The following PEX2 variants were observed in gnomAD, a reference collection of about 807,000 sequenced individuals.
PEX2 encodes peroxisome biogenesis factor 2.
Under a neutral mutation model 25.2 loss-of-function variants are expected in PEX2, and 19 were observed. The ratio of observed to expected loss-of-function variants is 0.75; its 90% CI spans 0.53 to 1.10. The LOEUF (loss-of-function observed/expected upper bound fraction) is 1.10. Among genes scored for constraint, PEX2 ranks in the 50% least tolerant of loss-of-function variants. The pLI is 0.00. For missense variants in PEX2, 347 were observed against 350.6 expected, an observed-to-expected ratio of 0.99 and a Z score of 0.08; for synonymous variants, 141 against 127.7, an observed-to-expected ratio of 1.10 and a Z score of -0.70.
chr8:76,980,264 T>G lies in PEX2; in HGVS notation c.*2997A>C, dbSNP rs1806775479. 1 of 152,236 alleles carries G rather than the reference T, an allele frequency of 6.6e-6. No homozygotes were observed. Among genetic ancestry groups the G allele is most frequent in the African/African-American group, 2.4e-5 (1 of 41,466 alleles). The allele number at this position is 152,236 out of a possible 1,614,324, so 9.4% of individuals were successfully genotyped here. A position where few individuals can be genotyped will look rare whatever the true frequency, so the allele number is the denominator to read the frequency against. On this transcript the variant is annotated 3_prime_UTR_variant, in exon 4 of 4. Coordinates refer to ENST00000357039, the MANE Select transcript of PEX2 (RefSeq NM_000318.3). ...TATCAAAATAATACAATTGTTGATA[T>G]AACAATTTTGTTGACTTTATTTAAT...
chr8:76,991,118 C>T (rs1298193042), intron 1 of PEX2, among the ~76,000 whole-genome samples: 1 of 152,202 alleles, frequency 6.6e-6, no homozygotes, highest in East Asian at 1.9e-4. Flanking sequence ...ATAACTGCAT[C>T]TCTTCCTCAG....
intron 1 of PEX2, among the ~76,000 whole-genome samples, chr8:76,999,329 G>A (rs1807426492): frequency 6.6e-6 from 1 of 152,186 alleles, no homozygotes; most frequent in Non-Finnish European, 1.5e-5. Context: ...TTCACTAAAT[G>A]TGGGAAATTT....
Position 76,983,570 on chromosome 8 carries a change from A to T in PEX2, c.609T>A (p.Phe203Leu). 6.2e-7 allele frequency: 1 copy of T among 1,614,114 alleles called. No individual in the cohort carries two copies. The highest frequency in any genetic ancestry group is 1.7e-5 in the Admixed American group (1 of 60,024). The stretch of plus-strand genomic sequence containing the variant: ...TGATAAGTGGTAAGAGAAAAATCAG[A>T]AATTCAGCAAAACCATGCCAGAGAA... ...RELLWHGFAEFLIFLLPLINV... is the reference protein window; with the variant it reads ...RELLWHGFAELLIFLLPLINV... Residue 203 changes from phenylalanine (F) to leucine (L), a missense_variant, in exon 4 of 4, where the codon TTT (phenylalanine) becomes TTA (leucine). Transcript: ENST00000357039.
At chr8:77,000,942 G>A (rs930893746), upstream of PEX2, 2 of 152,224 alleles carry the variant, frequency 1.3e-5, no homozygotes, top group Admixed American at 6.5e-5. Context: ...TGGTATGAAT[G>A]GCAGTGTCTC....
intron 1 of PEX2, among the ~76,000 whole-genome samples, chr8:76,991,779 TCTC>T (rs991261311): frequency 5.3e-5 from 8 of 152,132 alleles, no homozygotes; most frequent in African/African-American, 1.9e-4. Flanking sequence ...CTCGGATTCT[TCTC>T]CTAAAAGTTG....
Position 76,983,588 on chromosome 8 carries a change from CCA to C in PEX2, c.589_590del (p.Trp197AlafsTer5). On this transcript the variant is annotated frameshift_variant, in exon 4 of 4. Coordinates refer to ENST00000357039, the MANE Select transcript of PEX2 (RefSeq NM_000318.3). LOFTEE classifies it high-confidence loss of function. ...GFEYMNRELL[W>X]HGFAEFLIFL... is the part of the protein sequence containing the mutation. ...AAATCAGAAATTCAGCAAAACCATGCCAGAGAAGTTCCCTATTCATGTATTCA... is the reference window on the plus strand; with the variant it reads ...AAATCAGAAATTCAGCAAAACCATGCGAGAAGTTCCCTATTCATGTATTCA... 1 of 1,614,048 alleles carries C rather than the reference CCA, an allele frequency of 6.2e-7. No homozygotes were observed. Among genetic ancestry groups the C allele is most frequent in the Non-Finnish European group, 8.5e-7 (1 of 1,179,980 alleles).
At chr8:76,986,695 A>AAT (rs1323940766) in intron 2 of PEX2, among the ~76,000 whole-genome samples, 2 of 152,090 alleles carry the variant, frequency 1.3e-5, no homozygotes, top group Non-Finnish European at 2.9e-5. Flanking sequence ...GAAAACTCAT[A>AAT]CTAAGATTTT....
intron 1 of PEX2, among the ~76,000 whole-genome samples, chr8:76,991,596 ACTGT>A (rs1807170779): frequency 6.6e-6 from 1 of 152,308 alleles, no homozygotes; most frequent in Non-Finnish European, 1.5e-5. Context: ...TAGAACAGAC[ACTGT>A]CTATTACACA....
At chr8:76,996,226 C>T (rs987683733) in intron 1 of PEX2, among the ~76,000 whole-genome samples, 1 of 152,080 alleles carries the variant, frequency 6.6e-6, no homozygotes, top group Non-Finnish European at 1.5e-5. Context: ...TAGCTAATTA[C>T]CAAGTACAAA....
intron 1 of PEX2, among the ~76,000 whole-genome samples, chr8:76,999,464 C>T (rs1237067854): frequency 6.6e-6 from 1 of 152,200 alleles, no homozygotes; most frequent in African/African-American, 2.4e-5. Flanking sequence ...ACTAATTTAT[C>T]GCAAGCAATT....
intron 1 of PEX2, among the ~76,000 whole-genome samples, chr8:76,997,474 TAGG>T (rs1807372588): frequency 6.6e-6 from 1 of 151,890 alleles, no homozygotes; most frequent in African/African-American, 2.4e-5. Flanking sequence ...GAGGCTGAGG[TAGG>T]AGAACTGCTT....
intron 1 of PEX2, among the ~76,000 whole-genome samples, chr8:76,998,351 T>C (rs967018825): frequency 6.6e-6 from 1 of 152,176 alleles, no homozygotes; most frequent in African/African-American, 2.4e-5. Context: ...AGAATCATTA[T>C]GTGCATCAAA....
At chr8:76,992,342 CACA>C (rs1807195552) in intron 1 of PEX2, among the ~76,000 whole-genome samples, 1 of 152,272 alleles carries the variant, frequency 6.6e-6, no homozygotes, top group Middle Eastern at 3.4e-3. Flanking sequence ...CTTTGCTGCA[CACA>C]ACATGGTACA....
intron 1 of PEX2, among the ~76,000 whole-genome samples, chr8:76,995,065 C>T (rs991284258): frequency 5.9e-5 from 9 of 152,164 alleles, no homozygotes; most frequent in African/African-American, 1.7e-4. Context: ...ATGGCTGAAG[C>T]CCATTAGAAC....
intron 1 of PEX2, among the ~76,000 whole-genome samples, chr8:76,996,418 A>G (rs1416603929): frequency 6.6e-6 from 1 of 152,176 alleles, no homozygotes; most frequent in Non-Finnish European, 1.5e-5. Context: ...TAATGGACCC[A>G]AAAGTTAAAC....
rs147423665 is a variant in PEX2 at position 76,997,403 on chromosome 8, T to C, written c.-160+2587A>G. ...GGCCAACATGGTGAAACCCTGTCTC[T>C]ACTAAAAATACAAAAATTAGCCAAG... On this transcript the variant is annotated intron_variant, in intron 1 of 3. Coordinates refer to ENST00000357039, the MANE Select transcript of PEX2 (RefSeq NM_000318.3). Among the ~76,000 whole-genome samples the C allele has an allele frequency of 2.2e-3, 334 of 152,306 alleles. 3 individuals are homozygous for C. The highest frequency in any genetic ancestry group is 3.4e-3 in the Middle Eastern group (1 of 294).
At chr8:76,990,420 T>C (rs939782071) in intron 1 of PEX2, among the ~76,000 whole-genome samples, 11 of 152,220 alleles carry the variant, frequency 7.2e-5, no homozygotes, top group African/African-American at 2.7e-4. Flanking sequence ...GGCTGTTTGG[T>C]ATAAAAGGTC....
chr8:76,996,338 C>T (rs1444249686), intron 1 of PEX2, among the ~76,000 whole-genome samples: 8 of 152,164 alleles, frequency 5.3e-5, no homozygotes, highest in Admixed American at 5.2e-4. Context: ...GATTAGATGA[C>T]TTGTGTGAAA....
intron 3 of PEX2, 68 bp from the exon 4 acceptor site, chr8:76,984,263 G>GACAGTTT: frequency 1.6e-6 from 2 of 1,285,220 alleles, no homozygotes; most frequent in Non-Finnish European, 2.2e-6. Flanking sequence ...CTCAACTTAT[G>GACAGTTT]CCTGGAAACT....
Sources: allele counts gnomAD v4.1 joint callset (sites outside exome capture counted in the v4.1 genomes callset), GRCh38; gene constraint gnomAD v4.1.1; transcripts MANE v1.5; gene names NCBI Gene and HGNC (gene_info 2026-07-23, HGNC 2026-07-21).